Variants in ZNF69 observed in about 807,000 individuals in gnomAD.
ZNF69 encodes the protein ZNF3.
Under a neutral mutation model 50.9 loss-of-function variants are expected in ZNF69, and 47 were observed. That is an observed-to-expected ratio of 0.92 (90% CI 0.73 to 1.18). The LOEUF is 1.18. Ranked by LOEUF, ZNF69 falls within the 50% of genes most tolerant of loss-of-function variation. The probability of loss-of-function intolerance (pLI) is 0.00; values close to 1 mark genes in which losing one functional copy is unlikely to be tolerated. For missense variants in ZNF69, 717 were observed against 675.1 expected (o/e 1.06, Z -0.69); for synonymous variants, 216 against 223.1 (o/e 0.97, Z 0.29).
At chr19:11,965,257 TGGAACCGGCC>T in the ZNF69 span, 51 of 1,612,916 alleles carry the variant, frequency 3.2e-5, no homozygotes, top group South Asian at 4.0e-4. Context: ...AGAGGCTGCC[TGGAACCGGCC>T]GGAACCGGCT....
the ZNF69 span, among the ~76,000 whole-genome samples, chr19:11,919,816 A>C: frequency 6.6e-6 from 1 of 152,198 alleles, no homozygotes; most frequent in African/African-American, 2.4e-5. Flanking sequence ...TGGCAGCAAG[A>C]TGTTGGACTC....
chr19:11,931,416 A>G, the ZNF69 span, among the ~76,000 whole-genome samples: 1 of 148,060 alleles, frequency 6.8e-6, no homozygotes, highest in Admixed American at 6.6e-5. Context: ...GCTCTCATCT[A>G]ATCCTAATTA....
chr19:11,947,446 A>G, the ZNF69 span: 1 of 1,601,238 alleles, frequency 6.2e-7, no homozygotes, highest in Non-Finnish European at 8.5e-7. Context: ...AATCATGGGC[A>G]CAGAATCTAA....
In ZNF69 at chr19:11,906,389, C is replaced by A; in HGVS notation, c.*291C>A. The A allele has an allele frequency of 1.6e-6, 1 of 613,270 alleles. No individual in the cohort carries two copies. The highest frequency in any genetic ancestry group is 2.2e-6 in the Non-Finnish European group (1 of 445,378). 38.0% of individuals were successfully genotyped at this position (613,270 alleles called of 1,614,324 possible). A position where few individuals can be genotyped will look rare whatever the true frequency, so the allele number is the denominator to read the frequency against. The stretch of plus-strand genomic sequence containing the variant: ...ACAGTCTGCCTCCTCAAGTGGGTCC[C>A]TGATCTCCAAGTAGCCTAACTGGGA... On this transcript the variant is annotated 3_prime_UTR_variant, in exon 4 of 4. Coordinates refer to ENST00000429654, the MANE Select transcript of ZNF69 (RefSeq NM_001364730.1).
the ZNF69 span, chr19:11,950,341 A>G: frequency 2.9e-6 from 4 of 1,365,124 alleles, no homozygotes; most frequent in Non-Finnish European, 4.1e-6. Context: ...CACATTTTCC[A>G]GTTCTTTTCG....
chr19:11,950,191 G>T, the ZNF69 span: 4 of 1,613,758 alleles, frequency 2.5e-6, no homozygotes, highest in Non-Finnish European at 3.4e-6. Context: ...GCATATACAC[G>T]CAAGGACTCA....
chr19:11,940,109 T>G, the ZNF69 span: 1 of 152,230 alleles, frequency 6.6e-6, no homozygotes, highest in Non-Finnish European at 1.5e-5. Flanking sequence ...TTTTGTATTT[T>G]TAGTAGAGAC....
the ZNF69 span, among the ~76,000 whole-genome samples, chr19:11,924,322 C>T: frequency 6.6e-6 from 1 of 151,346 alleles, no homozygotes; most frequent in East Asian, 1.9e-4. Context: ...ATCCCAGCTA[C>T]TCCGGAGGCC....
At chr19:11,954,744 C>CT in the ZNF69 span, among the ~76,000 whole-genome samples, 2,972 of 152,186 alleles carry the variant, frequency 0.02, 74 homozygotes, top group African/African-American at 0.059. Flanking sequence ...GAACCAAAGC[C>CT]TGGGAGGTTG....
the ZNF69 span, among the ~76,000 whole-genome samples, chr19:11,959,067 A>G: frequency 6.6e-6 from 1 of 152,022 alleles, no homozygotes; most frequent in African/African-American, 2.4e-5. Context: ...GTGTGTTTTT[A>G]GTAGTGACAG....
the ZNF69 span, chr19:11,925,303 C>CG: frequency 6.2e-7 from 1 of 1,608,288 alleles, no homozygotes; most frequent in Non-Finnish European, 8.5e-7. Flanking sequence ...TGTCGTGAGA[C>CG]GGGGGAGGGG....
At chr19:11,976,555 CAAAAAAAAAAA>C in the ZNF69 span, among the ~76,000 whole-genome samples, 1 of 73,814 alleles carries the variant, frequency 1.4e-5, no homozygotes, top group Non-Finnish European at 2.7e-5. Context: ...GACTCTGTCT[CAAAAAAAAAAA>C]AAAAAAAAAA....
At chr19:11,891,268 A>G (rs1178407236) in intron 1 of ZNF69, among the ~76,000 whole-genome samples, 4 of 152,106 alleles carry the variant, frequency 2.6e-5, no homozygotes, top group Non-Finnish European at 4.4e-5. Flanking sequence ...TTTTCCAAAA[A>G]TAACAAAAAT....
intron 1 of ZNF69, among the ~76,000 whole-genome samples, chr19:11,896,083 A>G (rs181982550): frequency 2.0e-5 from 3 of 151,840 alleles, no homozygotes; most frequent in Admixed American, 6.6e-5. Flanking sequence ...GTCAAGCGTG[A>G]TGGTGCATGG....
At chr19:11,969,307 G>A in the ZNF69 span, among the ~76,000 whole-genome samples, 4 of 152,156 alleles carry the variant, frequency 2.6e-5, no homozygotes, top group African/African-American at 2.4e-5. Context: ...GTTTTATCAC[G>A]TTCGCCAGGC....
chr19:11,925,588 G>A, the ZNF69 span, among the ~76,000 whole-genome samples: 3 of 152,242 alleles, frequency 2.0e-5, no homozygotes, highest in African/African-American at 7.2e-5. Context: ...GGGTCATGGA[G>A]GCATCCTGAC....
At chr19:11,901,475 T>G (rs183864015) in intron 1 of ZNF69, among the ~76,000 whole-genome samples, 1 of 152,266 alleles carries the variant, frequency 6.6e-6, no homozygotes, top group Non-Finnish European at 1.5e-5. Context: ...TCTGCCTCTA[T>G]TAGGACATTC....
rs768588340 is a variant in ZNF69 at position 11,903,941 on chromosome 19, A to G, written c.227A>G (p.Tyr76Cys). Residue 76 changes from tyrosine (Y) to cysteine (C), a missense_variant, in exon 3 of 4, where the codon TAC becomes TGC. By Grantham distance (194) the Tyr-to-Cys change is radical. Coordinates refer to ENST00000429654, the MANE Select transcript of ZNF69 (RefSeq NM_001364730.1). Reference sequence around the variant, plus strand: ...AAAGACCAGAACATTGAATATGAGTACCAAAACCCCAGGAGAAACTTCAGG... The same window carrying G: ...AAAGACCAGAACATTGAATATGAGTGCCAAAACCCCAGGAGAAACTTCAGG... Reference protein sequence around the residue: ...SWKDQNIEYEYQNPRRNFRSL... With the variant: ...SWKDQNIEYECQNPRRNFRSL... The G allele has an allele frequency of 6.2e-7, 1 of 1,614,020 alleles. No homozygotes were observed. Among genetic ancestry groups the G allele is most frequent in the Admixed American group, 1.7e-5 (1 of 60,020 alleles).
At chr19:11,915,070 G>GGT (rs1972509940), downstream of ZNF69, among the ~76,000 whole-genome samples, 1 of 152,172 alleles carries the variant, frequency 6.6e-6, no homozygotes, top group Non-Finnish European at 1.5e-5. Flanking sequence ...TGGGCATCGT[G>GGT]GTGTGTGCCT....
Sources: allele counts gnomAD v4.1 joint callset (sites outside exome capture counted in the v4.1 genomes callset), GRCh38; gene constraint gnomAD v4.1.1; transcripts MANE v1.5; gene names NCBI Gene and HGNC (gene_info 2026-07-23, HGNC 2026-07-21).